Variants in LRRC72 observed in about 807,000 individuals in gnomAD.
LRRC72 encodes the protein leucine-rich repeat-containing protein 72.
A neutral mutation model predicts 35.8 loss-of-function variants in LRRC72; 41 were observed. That is an observed-to-expected ratio of 1.15 (90% CI 0.89 to 1.49). The LOEUF (loss-of-function observed/expected upper bound fraction) is 1.49. Ranked by LOEUF, LRRC72 falls within the 40% of genes most tolerant of loss-of-function variation. The probability of loss-of-function intolerance (pLI) is 0.00; values close to 1 mark genes in which losing one functional copy is unlikely to be tolerated. For missense variants in LRRC72, 389 were observed against 330.7 expected (o/e 1.18, Z -1.37); for synonymous variants, 118 against 119.2 (o/e 0.99, Z 0.07).
intron 7 of LRRC72, among the ~76,000 whole-genome samples, chr7:16,578,540 T>C (rs1783084552): frequency 6.6e-6 from 1 of 151,934 alleles, no homozygotes. Flanking sequence ...ATTGAAAAAA[T>C]AGTATACTAT....
intron 2 of LRRC72, 26 bp from the exon 3 acceptor site, chr7:16,537,601 T>G: frequency 1.4e-6 from 2 of 1,408,620 alleles, no homozygotes; most frequent in Non-Finnish European, 1.9e-6. Flanking sequence ...TTGTTGCTAA[T>G]GTTCACATTT....
At chr7:16,532,355 G>C (rs1227799136) in intron 1 of LRRC72, 140 bp from the exon 2 acceptor site, 2 of 612,098 alleles carry the variant, frequency 3.3e-6, no homozygotes, top group African/African-American at 3.7e-5. Context: ...TGTAGCCTTG[G>C]AATTTATCAG....
At chr7:16,537,780 T>C (rs1418814810) in intron 3 of LRRC72, 84 bp downstream of exon 3, 1 of 828,144 alleles carries the variant, frequency 1.2e-6, no homozygotes, top group Non-Finnish European at 1.8e-6. Flanking sequence ...TCTTTAAAAG[T>C]ATTAAAATTT....
Position 16,567,471 on chromosome 7 carries a change from G to C in LRRC72, c.598G>C (p.Gly200Arg). Residue 200 changes from glycine (G) to arginine (R), a missense_variant, in exon 7 of 9, where the codon GGA (glycine) becomes CGA (arginine). Physicochemically the swap from Gly to Arg is moderately radical, Grantham distance 125 (BLOSUM62 -2). Transcript: ENST00000401542. ...KAHIVQSIAF[G>R]GKVDASWDPK... ...TCATATCGTTCAATCAATAGCATTC[G>C]GAGGAAAAGTGGATGCTTCATGGGA... 1 of 1,532,476 alleles carries C rather than the reference G, an allele frequency of 6.5e-7. No homozygotes were observed. The highest frequency in any genetic ancestry group is 1.2e-5 in the South Asian group (1 of 80,540). The allele number at this position is 1,532,476 out of a possible 1,614,324, so 94.9% of individuals were successfully genotyped here.
intron 5 of LRRC72, among the ~76,000 whole-genome samples, chr7:16,560,030 C>G (rs1782719403): frequency 6.6e-6 from 1 of 152,088 alleles, no homozygotes. Flanking sequence ...ATACACCACT[C>G]CTACTCTCAA....
rs148755724 is a variant in LRRC72, at chr7:16,538,762, A to T, written c.234+1066A>T. Among the ~76,000 whole-genome samples the T allele has an allele frequency of 3.8e-4, 58 of 152,284 alleles. No individual in the cohort carries two copies. In the East Asian group the frequency reaches 0.01, roughly 27 times the overall value. On this transcript the variant is annotated intron_variant, in intron 3 of 8. Coordinates refer to ENST00000401542, the MANE Select transcript of LRRC72 (RefSeq NM_001195280.2). The stretch of plus-strand genomic sequence containing the variant: ...TTCTCATGATAGTGAGTGAGTTCCC[A>T]CAATATCTGATGGTTTTTAAAGTGG...
At chr7:16,556,213 T>A (rs1782648260) in intron 3 of LRRC72, among the ~76,000 whole-genome samples, 1 of 152,206 alleles carries the variant, frequency 6.6e-6, no homozygotes, top group Non-Finnish European at 1.5e-5. Flanking sequence ...ATTATTTCCA[T>A]TCATATGGAA....
At chr7:16,567,872 T>C (rs1027400059) in intron 7 of LRRC72, among the ~76,000 whole-genome samples, 1 of 152,064 alleles carries the variant, frequency 6.6e-6, no homozygotes, top group African/African-American at 2.4e-5. Context: ...ACCACTAACA[T>C]GGATGATTTT....
chr7:16,552,564 T>G (rs1361009874), intron 3 of LRRC72, among the ~76,000 whole-genome samples: 1 of 152,204 alleles, frequency 6.6e-6, no homozygotes, highest in Non-Finnish European at 1.5e-5. Flanking sequence ...CTTTTTAGTT[T>G]GGATTGATTG....
chr7:16,548,365 CAAG>C (rs1782487432), intron 3 of LRRC72, among the ~76,000 whole-genome samples: 3 of 152,244 alleles, frequency 2.0e-5, no homozygotes, highest in South Asian at 4.2e-4. Context: ...TTGTGGGTGA[CAAG>C]AAGGAGAGAA....
chr7:16,545,143 G>A (rs1015086011), intron 3 of LRRC72, among the ~76,000 whole-genome samples: 10 of 152,264 alleles, frequency 6.6e-5, no homozygotes, highest in Middle Eastern at 3.4e-3. Context: ...AAACCTGCAC[G>A]TTCTGCACAC....
At chr7:16,563,618 A>C (rs1782779101) in intron 5 of LRRC72, among the ~76,000 whole-genome samples, 2 of 152,342 alleles carry the variant, frequency 1.3e-5, no homozygotes, top group Admixed American at 1.3e-4. Flanking sequence ...CATCTTAGAC[A>C]TTTAATTTAT....
intron 1 of LRRC72, among the ~76,000 whole-genome samples, 194 bp downstream of exon 1, chr7:16,527,236 A>T (rs139601842): frequency 6.6e-6 from 1 of 152,292 alleles, no homozygotes; most frequent in Admixed American, 6.5e-5. Context: ...CAAAATTGGG[A>T]TGTGAACAGC....
At position 16,563,068 on chromosome 7, in the gene LRRC72, T is replaced by G. The variant is rs1782770473; in HGVS notation, c.428-3245T>G. On this transcript the variant is annotated intron_variant, in intron 5 of 8. Coordinates refer to ENST00000401542, the MANE Select transcript of LRRC72 (RefSeq NM_001195280.2). ...CTATCTGATTATTGACAGCTGAACT[T>G]CCTTCCACAGGCCGTTCTCTATAGG... is the stretch of plus-strand genomic sequence containing the variant. Among the ~76,000 whole-genome samples the G allele has an allele frequency of 2.6e-5, 4 of 152,186 alleles. No individual in the cohort carries two copies. The South Asian group carries it at 8.3e-4, about 32-fold the overall frequency.
chr7:16,534,849 C>T (rs1477778502), intron 2 of LRRC72, among the ~76,000 whole-genome samples: 2 of 152,134 alleles, frequency 1.3e-5, no homozygotes, highest in Non-Finnish European at 2.9e-5. Context: ...AAATAAGCTA[C>T]ATATATACAG....
chr7:16,531,169 C>A (rs1292635269), intron 1 of LRRC72, among the ~76,000 whole-genome samples: 3 of 142,236 alleles, frequency 2.1e-5, no homozygotes, highest in Non-Finnish European at 3.0e-5. Context: ...GGCAACAGAG[C>A]AAAACTCTCT....
chr7:16,564,647 A>T (rs970142553), intron 5 of LRRC72, among the ~76,000 whole-genome samples: 7 of 151,536 alleles, frequency 4.6e-5, no homozygotes, highest in African/African-American at 1.7e-4. Flanking sequence ...TTTGTTTATT[A>T]TGTACCAGGT....
At chr7:16,536,265 A>G (rs1007418898) in intron 2 of LRRC72, among the ~76,000 whole-genome samples, 5 of 152,214 alleles carry the variant, frequency 3.3e-5, no homozygotes, top group Non-Finnish European at 5.9e-5. Flanking sequence ...CAATGCATGA[A>G]TGTTAATGGG....
intron 1 of LRRC72, among the ~76,000 whole-genome samples, chr7:16,531,723 T>C (rs1486643408): frequency 6.6e-6 from 1 of 152,224 alleles, no homozygotes; most frequent in East Asian, 1.9e-4. Flanking sequence ...ACTTTACTTT[T>C]TTCATATTAT....
Sources: gnomAD v4.1 joint callset for allele counts (sites outside exome capture counted in the v4.1 genomes callset) on GRCh38, gnomAD v4.1.1 for gene constraint, MANE v1.5 for transcripts, NCBI Gene and HGNC (gene_info 2026-07-23, HGNC 2026-07-21) for gene names.